DAB1: variants seen among roughly 807,000 people sequenced by gnomAD.
The protein encoded by DAB1 is disabled homolog 1.
In DAB1, 15 loss-of-function variants were observed where a neutral mutation model predicts 64.6. The observed-to-expected ratio is 0.23, with a 90% CI of 0.16 to 0.36. The LOEUF is 0.36. Ranked by LOEUF, DAB1 falls within the 10% of genes least tolerant of loss-of-function variation. DAB1 has a pLI of 1.00. For missense variants in DAB1, 596 were observed against 706.7 expected (o/e 0.84, Z 1.78); for synonymous variants, 235 against 251.9 (o/e 0.93, Z 0.64).
chr1:57,751,758 G>A (rs367598652), intron 6 of DAB1, among the ~76,000 whole-genome samples: 7 of 152,004 alleles, frequency 4.6e-5, no homozygotes, highest in Non-Finnish European at 8.8e-5. Context: ...GCTGAGGGCC[G>A]GAAACTCTCA....
intron 1 of DAB1, among the ~76,000 whole-genome samples, chr1:58,542,989 T>TAAA (rs1366118230): frequency 6.7e-6 from 1 of 149,110 alleles, no homozygotes. Flanking sequence ...AAAAGCTTTT[T>TAAA]TAAAAAAAAA....
At chr1:57,701,079 A>G (rs1174767357) in intron 6 of DAB1, among the ~76,000 whole-genome samples, 3 of 152,042 alleles carry the variant, frequency 2.0e-5, no homozygotes, top group African/African-American at 7.3e-5. Flanking sequence ...GATGTGGAGA[A>G]ACAGGAACAC....
intron 5 of DAB1, among the ~76,000 whole-genome samples, chr1:58,007,695 T>A (rs1646606523): frequency 6.6e-6 from 1 of 152,172 alleles, no homozygotes; most frequent in African/African-American, 2.4e-5. Flanking sequence ...AAGAGACAGC[T>A]GAAGGAGGAC....
chr1:57,663,533 T>G (rs1453319832), intron 6 of DAB1, among the ~76,000 whole-genome samples: 1 of 152,242 alleles, frequency 6.6e-6, no homozygotes, highest in Non-Finnish European at 1.5e-5. Flanking sequence ...ATGTTTCTTG[T>G]GTCTCACTGC....
intron 6 of DAB1, among the ~76,000 whole-genome samples, chr1:57,710,345 C>T (rs1325923596): frequency 6.6e-6 from 1 of 152,126 alleles, no homozygotes; most frequent in Non-Finnish European, 1.5e-5. Context: ...GAATAGTATA[C>T]AATAAAATCT....
chr1:57,244,265 T>C (rs554085062), intron 2 of DAB1, among the ~76,000 whole-genome samples: 2 of 152,238 alleles, frequency 1.3e-5, no homozygotes, highest in Non-Finnish European at 2.9e-5. Context: ...CAAGGCACCA[T>C]ACTTTTCTGT....
chr1:57,405,419 G>T (rs369496647), intron 1 of DAB1, among the ~76,000 whole-genome samples: 19 of 152,154 alleles, frequency 1.2e-4, no homozygotes, highest in Non-Finnish European at 1.3e-4. Flanking sequence ...GAACTTGCAC[G>T]TGAGGGAGAT....
chr1:57,126,225 C>A (rs1052172046), intron 4 of DAB1, among the ~76,000 whole-genome samples: 1 of 152,146 alleles, frequency 6.6e-6, no homozygotes, highest in African/African-American at 2.4e-5. Context: ...GTGTTAAATT[C>A]ATCTCACTGT....
At chr1:58,432,348 C>T (rs1185945657) in intron 3 of DAB1, among the ~76,000 whole-genome samples, 1 of 152,184 alleles carries the variant, frequency 6.6e-6, no homozygotes, top group East Asian at 1.9e-4. Context: ...GCCTTCTCTC[C>T]TAGACTCTAA....
intron 3 of DAB1, among the ~76,000 whole-genome samples, chr1:58,496,542 G>C (rs1569892537): frequency 6.6e-6 from 1 of 152,076 alleles, no homozygotes; most frequent in East Asian, 1.9e-4. Flanking sequence ...ATCTCACTGG[G>C]GAACAATGAG....
At chr1:57,574,938 C>T (rs1645233732) in intron 7 of DAB1, among the ~76,000 whole-genome samples, 1 of 152,188 alleles carries the variant, frequency 6.6e-6, no homozygotes, top group Non-Finnish European at 1.5e-5. Context: ...TCTATTTCCT[C>T]ATCCATATAA....
intron 5 of DAB1, among the ~76,000 whole-genome samples, chr1:58,065,065 G>A (rs972541690): frequency 1.3e-5 from 2 of 152,170 alleles, no homozygotes; most frequent in African/African-American, 2.4e-5. Flanking sequence ...TGCTACCTAA[G>A]CCAGTTGCAT....
At chr1:57,817,069 T>C (rs1314613524) in intron 6 of DAB1, among the ~76,000 whole-genome samples, 1 of 152,118 alleles carries the variant, frequency 6.6e-6, no homozygotes, top group Non-Finnish European at 1.5e-5. Context: ...AGTCATCATA[T>C]ATTTTACCTT....
chr1:57,939,001 T>C (rs1004391013), intron 5 of DAB1, among the ~76,000 whole-genome samples: 9 of 152,136 alleles, frequency 5.9e-5, no homozygotes, highest in Non-Finnish European at 1.0e-4. Flanking sequence ...ATAAGGTCAA[T>C]ATCTTAGTTT....
chr1:57,675,312 G>T (rs1183010167), intron 6 of DAB1, among the ~76,000 whole-genome samples: 1 of 152,214 alleles, frequency 6.6e-6, no homozygotes, highest in Non-Finnish European at 1.5e-5. Context: ...GCGAAGGTAG[G>T]TTCTAGAGGT....
chr1:57,809,537 T>C (rs1037255415), intron 6 of DAB1, among the ~76,000 whole-genome samples: 1 of 152,234 alleles, frequency 6.6e-6, no homozygotes, highest in Non-Finnish European at 1.5e-5. Context: ...TAAAAAGTTT[T>C]GCTAAGCAAA....
chr1:58,286,934 ATAGAATGG>A (rs1661698684), intron 4 of DAB1, among the ~76,000 whole-genome samples: 1 of 152,386 alleles, frequency 6.6e-6, no homozygotes, highest in South Asian at 2.1e-4. Flanking sequence ...CCCATCAATG[ATAGAATGG>A]ATAAAGAAAA....
intron 6 of DAB1, among the ~76,000 whole-genome samples, chr1:57,803,020 G>A (rs1651200535): frequency 6.6e-6 from 1 of 152,096 alleles, no homozygotes; most frequent in Admixed American, 6.5e-5. Flanking sequence ...CTCTGAAGCT[G>A]GGGCAGACCC....
intron 6 of DAB1, among the ~76,000 whole-genome samples, chr1:57,813,883 G>GA (rs1379392204): frequency 1.3e-5 from 2 of 152,152 alleles, no homozygotes; most frequent in African/African-American, 4.8e-5. Context: ...CCACAACTTA[G>GA]AAAAATGAAA....
Sources: gnomAD v4.1 joint callset for allele counts (sites outside exome capture counted in the v4.1 genomes callset) on GRCh38, gnomAD v4.1.1 for gene constraint, MANE v1.5 for transcripts, NCBI Gene and HGNC (gene_info 2026-07-23, HGNC 2026-07-21) for gene names.